Variants in ADAM10 observed in about 807,000 individuals in gnomAD.
ADAM10 encodes the protein disintegrin and metalloproteinase domain-containing protein 10.
A neutral mutation model predicts 90.1 loss-of-function variants in ADAM10; 17 were observed. That is an observed-to-expected ratio of 0.19 (90% CI 0.13 to 0.28). The LOEUF (loss-of-function observed/expected upper bound fraction) is 0.28, where lower values mean the gene tolerates loss of function less well. ADAM10 is among the 10% of genes least tolerant of loss of function. ADAM10 has a pLI of 1.00. For synonymous variants in ADAM10, 310 were observed against 298.6 expected, an observed-to-expected ratio of 1.04 and a Z score of -0.40; for missense variants, 610 against 914.3, an observed-to-expected ratio of 0.67 and a Z score of 4.29.
chr15:58,673,960 C>T (rs1321061093), intron 4 of ADAM10, among the ~76,000 whole-genome samples: 1 of 152,134 alleles, frequency 6.6e-6, no homozygotes, highest in Non-Finnish European at 1.5e-5. Flanking sequence ...GTCTTGATCT[C>T]CTGACCTCGT....
intron 3 of ADAM10, among the ~76,000 whole-genome samples, chr15:58,680,807 G>A (rs1897412748): frequency 6.6e-6 from 1 of 152,002 alleles, no homozygotes; most frequent in African/African-American, 2.4e-5. Flanking sequence ...CTGATATTTG[G>A]AGTTTTTTGT....
At chr15:58,620,590 T>C (rs1328664563) in intron 11 of ADAM10, among the ~76,000 whole-genome samples, 2 of 151,930 alleles carry the variant, frequency 1.3e-5, no homozygotes, top group Non-Finnish European at 2.9e-5. Context: ...ATTAACTAAA[T>C]ATTTAAAGTT....
intron 2 of ADAM10, among the ~76,000 whole-genome samples, chr15:58,689,950 C>CA (rs1555418412): frequency 4.5e-5 from 6 of 132,728 alleles, no homozygotes; most frequent in East Asian, 3.0e-4. Flanking sequence ...ACAGACCCCC[C>CA]CCAAAAAAAA....
At chr15:58,682,081 C>T (rs1182492743) in intron 3 of ADAM10, 115 bp downstream of exon 3, 3 of 1,449,552 alleles carry the variant, frequency 2.1e-6, no homozygotes, top group Non-Finnish European at 2.8e-6. Context: ...CATATGAATT[C>T]AACCTCCTCT....
At chr15:58,622,317 C>G (rs28415195) in intron 10 of ADAM10, among the ~76,000 whole-genome samples, 2 of 152,188 alleles carry the variant, frequency 1.3e-5, no homozygotes, top group African/African-American at 4.8e-5. Context: ...CAATTTTCCT[C>G]AAATGTCTCT....
At chr15:58,669,793 C>A (rs1202795874) in intron 4 of ADAM10, among the ~76,000 whole-genome samples, 1 of 152,122 alleles carries the variant, frequency 6.6e-6, no homozygotes, top group Non-Finnish European at 1.5e-5. Flanking sequence ...TATTTATCAA[C>A]AAAAAGTTAT....
intron 14 of ADAM10, among the ~76,000 whole-genome samples, chr15:58,601,293 C>G (rs1384498606): frequency 6.6e-6 from 1 of 151,970 alleles, no homozygotes; most frequent in Non-Finnish European, 1.5e-5. Context: ...GAAACCCCGT[C>G]TCTACTAAAA....
Position 58,749,563 on chromosome 15 carries a change from C to T in ADAM10, c.-29G>A, listed in dbSNP as rs1899912624. The T allele has an allele frequency of 6.5e-7, 1 of 1,549,592 alleles. No individual in the cohort carries two copies. The highest frequency in any genetic ancestry group is 8.7e-7 in the Non-Finnish European group (1 of 1,146,034). ...CCGCTGCCGCTGCCGCCGCCGCCGC[C>T]TCCTCACGGGTTAACAGCAGCACAT... On this transcript the variant is annotated 5_prime_UTR_variant, in exon 1 of 16. Transcript: ENST00000260408.
At chr15:58,606,400 T>C (rs2140993691) in intron 14 of ADAM10, among the ~76,000 whole-genome samples, 1 of 152,328 alleles carries the variant, frequency 6.6e-6, no homozygotes. Flanking sequence ...AACAGGAACC[T>C]GAAAACATTC....
chr15:58,698,040 G>T (rs572123009), intron 2 of ADAM10, among the ~76,000 whole-genome samples: 2 of 151,978 alleles, frequency 1.3e-5, no homozygotes, highest in Admixed American at 1.3e-4. Context: ...CTCAGAAAGC[G>T]AATTCAAAAA....
intron 2 of ADAM10, among the ~76,000 whole-genome samples, chr15:58,705,082 T>C (rs1898240643): frequency 6.6e-6 from 1 of 152,212 alleles, no homozygotes; most frequent in African/African-American, 2.4e-5. Flanking sequence ...TGCTTTACAA[T>C]ATTACCACAA....
intron 1 of ADAM10, among the ~76,000 whole-genome samples, chr15:58,728,533 C>T (rs1203679396): frequency 6.6e-6 from 1 of 151,450 alleles, no homozygotes; most frequent in Non-Finnish European, 1.5e-5. Flanking sequence ...TAAGGTGAGG[C>T]ATTCGAGACC....
chr15:58,679,460 G>A (rs1194375750), intron 3 of ADAM10, among the ~76,000 whole-genome samples, 178 bp from the exon 4 acceptor site: 4 of 151,840 alleles, frequency 2.6e-5, no homozygotes, highest in Non-Finnish European at 5.9e-5. Context: ...AATATATCAA[G>A]CAGAATGTGA....
Position 58,597,124 on chromosome 15 carries a change from T to C in ADAM10, c.*423A>G, listed in dbSNP as rs200591788. 6 of 400,950 alleles carry C rather than the reference T, an allele frequency of 1.5e-5. No individual in the cohort carries two copies. The highest frequency in any genetic ancestry group is 2.3e-5 in the Non-Finnish European group (5 of 217,678). 24.8% of individuals were successfully genotyped at this position (400,950 alleles called of 1,614,324 possible). ...ACAAGGTATGTACATTGGCAAGTGA[T>C]GTCTCCAATGTTGAGGTGGTCGAGC... On this transcript the variant is annotated 3_prime_UTR_variant, in exon 16 of 16. Transcript: ENST00000260408.
Position 58,593,013 on chromosome 15 carries a change from C to G in ADAM10, c.*4534G>C, listed in dbSNP as rs1026766503. 2.7e-5 allele frequency: 4 copies of G among 149,560 alleles called. No homozygotes were observed. The highest frequency in any genetic ancestry group is 9.8e-5 in the African/African-American group (4 of 40,916). The allele number at this position is 149,560 out of a possible 1,614,324, so 9.3% of individuals were successfully genotyped here. ...GTTAAGAAAAAAAAAAACATACATC[C>G]ACAGAAATATTTAGAGTAGTTAATG... is the stretch of plus-strand genomic sequence containing the variant. On this transcript the variant is annotated 3_prime_UTR_variant, in exon 16 of 16. Coordinates refer to ENST00000260408, the MANE Select transcript of ADAM10 (RefSeq NM_001110.4).
chr15:58,649,219 T>C (rs1424955782), intron 5 of ADAM10, among the ~76,000 whole-genome samples: 2 of 152,166 alleles, frequency 1.3e-5, no homozygotes, highest in Non-Finnish European at 2.9e-5. Flanking sequence ...TTATATATTT[T>C]ACTAATACTT....
At chr15:58,688,558 C>A (rs1897674442) in intron 2 of ADAM10, among the ~76,000 whole-genome samples, 1 of 151,168 alleles carries the variant, frequency 6.6e-6, no homozygotes, top group Non-Finnish European at 1.5e-5. Context: ...ACGGAATTAG[C>A]AGACAAGGAT....
At chr15:58,684,558 T>C (rs1457029108) in intron 2 of ADAM10, among the ~76,000 whole-genome samples, 1 of 152,210 alleles carries the variant, frequency 6.6e-6, no homozygotes, top group African/African-American at 2.4e-5. Context: ...TTGAACACAC[T>C]GAGTTGATTG....
At chr15:58,684,222 AT>A (rs375934133) in intron 2 of ADAM10, among the ~76,000 whole-genome samples, 38 of 152,326 alleles carry the variant, frequency 2.5e-4, no homozygotes, top group African/African-American at 8.4e-4. Flanking sequence ...ATCCACAGAT[AT>A]AGAGGGCCAA....
Sources: gnomAD v4.1 joint callset for allele counts (sites outside exome capture counted in the v4.1 genomes callset) on GRCh38, gnomAD v4.1.1 for gene constraint, MANE v1.5 for transcripts, NCBI Gene and HGNC (gene_info 2026-07-23, HGNC 2026-07-21) for gene names.